ARHGAP35: variants seen among roughly 807,000 people sequenced by gnomAD.
ARHGAP35 encodes rho GTPase-activating protein 35.
A neutral mutation model predicts 111.1 loss-of-function variants in ARHGAP35; 15 were observed. The observed-to-expected ratio is 0.13, with a 90% CI of 0.09 to 0.21. The LOEUF is 0.21. Ranked by LOEUF, ARHGAP35 falls within the 10% of genes least tolerant of loss-of-function variation. ARHGAP35 has a pLI of 1.00. For synonymous variants in ARHGAP35, 643 were observed against 710.3 expected, an observed-to-expected ratio of 0.91 and a Z score of 1.51; for missense variants, 1,262 against 1,873.0, an observed-to-expected ratio of 0.67 and a Z score of 6.02.
rs1276431098 is a variant in ARHGAP35 at position 46,989,623 on chromosome 19, G to A, written c.3984G>A (p.Leu1328=). The A allele has an allele frequency of 3.1e-6, 5 of 1,614,006 alleles. No individual in the cohort carries two copies. Reference sequence around the variant, plus strand: ...CCATGAAGAGCTTTTTCTCAGAACTGCCTGACCCCCTGGTCCCGTATAACA... The same window carrying A: ...CCATGAAGAGCTTTTTCTCAGAACTACCTGACCCCCTGGTCCCGTATAACA... ...AGAMKSFFSE[L]PDPLVPYNMQ... is the part of the protein sequence containing the mutation. Residue 1328 remains leucine (L), a synonymous_variant, in exon 5 of 7, where the codon CTG becomes CTA. Transcript: ENST00000672722. The surrounding 1 kb of genome is among the most constrained non-coding windows in gnomAD (Gnocchi z 5.3).
At chr19:46,881,988 G>C (rs1046057009) in intron 1 of ARHGAP35, among the ~76,000 whole-genome samples, 1 of 152,182 alleles carries the variant, frequency 6.6e-6, no homozygotes, top group African/African-American at 2.4e-5. Flanking sequence ...GTCTCTGCCA[G>C]CTTCTAACTT....
At position 47,002,568 on chromosome 19, in the gene ARHGAP35, G is replaced by A. The variant is rs1399498480; in HGVS notation, c.*1880G>A. 2 of 152,202 alleles carry A rather than the reference G, an allele frequency of 1.3e-5. No individual in the cohort carries two copies. Among genetic ancestry groups the A allele is most frequent in the South Asian group, 2.1e-4 (1 of 4,836 alleles). The allele number at this position is 152,202 out of a possible 1,614,324, so 9.4% of individuals were successfully genotyped here. A position where few individuals can be genotyped will look rare whatever the true frequency, so the allele number is the denominator to read the frequency against. On this transcript the variant is annotated 3_prime_UTR_variant, in exon 7 of 7. Coordinates refer to ENST00000672722, the MANE Select transcript of ARHGAP35 (RefSeq NM_004491.5). Reference sequence around the variant, plus strand: ...GGCTGGAAGGTGACATCTGTGTTTCGTTTTAGCTGAGGTTGGCAGAAACGT... The same window carrying A: ...GGCTGGAAGGTGACATCTGTGTTTCATTTTAGCTGAGGTTGGCAGAAACGT...
In ARHGAP35 at chr19:46,988,239, C is replaced by G. The variant is rs142699071; in HGVS notation, c.3904+173C>G. On this transcript the variant is annotated intron_variant, in intron 4 of 6. Coordinates refer to ENST00000672722, the MANE Select transcript of ARHGAP35 (RefSeq NM_004491.5). The surrounding 1 kb of genome is among the most constrained non-coding windows in gnomAD (Gnocchi z 5.4). ...GTGGCTGCAGCGGGGAGGAGGGGAC[C>G]GGGTCCTGTCAGTGAACCGAAGCAC... 1.8e-3 allele frequency: 1,116 copies of G among 622,980 alleles called. 3 individuals are homozygous for G. Among genetic ancestry groups the G allele is most frequent in the Non-Finnish European group, 2.1e-3 (758 of 357,676 alleles). The allele number at this position is 622,980 out of a possible 1,614,324, so 38.6% of individuals were successfully genotyped here.
chr19:46,886,070 G>A (rs946022478), intron 1 of ARHGAP35, among the ~76,000 whole-genome samples: 2 of 152,174 alleles, frequency 1.3e-5, no homozygotes, highest in African/African-American at 4.8e-5. Context: ...GAAGAGCCTT[G>A]GAGATTGGGT....
chr19:46,966,685 T>G (rs1161744630), intron 3 of ARHGAP35, among the ~76,000 whole-genome samples: 3 of 152,190 alleles, frequency 2.0e-5, no homozygotes, highest in Non-Finnish European at 4.4e-5. Context: ...CTTTCTAGGG[T>G]TGATGGGATG....
chr19:46,875,320 C>A (rs1396221671), intron 1 of ARHGAP35, among the ~76,000 whole-genome samples: 2 of 152,076 alleles, frequency 1.3e-5, no homozygotes, highest in African/African-American at 4.8e-5. Context: ...TGTTTTGGAT[C>A]CTCTGTGAGA....
chr19:46,999,937 C>T lies in ARHGAP35; in HGVS notation c.4143-394C>T, dbSNP rs562633234. 2.0e-4 allele frequency: 49 copies of T among 243,176 alleles called. 1 individual carries two copies. In the East Asian group the frequency reaches 4.2e-3, roughly 21 times the overall value. 15.1% of individuals were successfully genotyped at this position (243,176 alleles called of 1,614,324 possible). A position where few individuals can be genotyped will look rare whatever the true frequency, so the allele number is the denominator to read the frequency against. On this transcript the variant is annotated intron_variant, in intron 6 of 6. Transcript: ENST00000672722. The surrounding 1 kb of genome is among the most constrained non-coding windows in gnomAD (Gnocchi z 5.4). ...GGCCGTATGGTTGTTCCCTGAAGTT[C>T]CATGTGTGTGGAGGAGATCTGCTGG...
chr19:46,965,631 C>A (rs2056510985), intron 3 of ARHGAP35, among the ~76,000 whole-genome samples: 1 of 152,072 alleles, frequency 6.6e-6, no homozygotes, highest in Non-Finnish European at 1.5e-5. Flanking sequence ...ACTTCAGGTG[C>A]ACACCACCAT....
At chr19:46,970,981 AACAG>A (rs1252420565) in intron 3 of ARHGAP35, among the ~76,000 whole-genome samples, 1 of 152,204 alleles carries the variant, frequency 6.6e-6, no homozygotes, top group Non-Finnish European at 1.5e-5. Context: ...TCCTCTCCAA[AACAG>A]ACAGTCATTG....
At chr19:46,976,852 T>C (rs1362596400) in intron 3 of ARHGAP35, among the ~76,000 whole-genome samples, 1 of 152,208 alleles carries the variant, frequency 6.6e-6, no homozygotes, top group Non-Finnish European at 1.5e-5. Context: ...TTGCTCTTGC[T>C]CTGTGTCTGT....
intron 1 of ARHGAP35, among the ~76,000 whole-genome samples, chr19:46,910,942 G>A (rs963207482): frequency 3.3e-5 from 5 of 152,016 alleles, no homozygotes; most frequent in African/African-American, 1.2e-4. Context: ...CTGGTCTCAA[G>A]CAGTCCTCCC....
chr19:46,885,345 C>G (rs1413179860), intron 1 of ARHGAP35, among the ~76,000 whole-genome samples: 3 of 152,126 alleles, frequency 2.0e-5, no homozygotes, highest in African/African-American at 7.2e-5. Flanking sequence ...TGTATTAACT[C>G]AAGGAATCCA....
At chr19:46,952,382 G>A (rs1225142439) in intron 3 of ARHGAP35, among the ~76,000 whole-genome samples, 1 of 152,128 alleles carries the variant, frequency 6.6e-6, no homozygotes, top group Non-Finnish European at 1.5e-5. Flanking sequence ...TGAAAAGTAA[G>A]CCCCATAACT....
intron 1 of ARHGAP35, among the ~76,000 whole-genome samples, chr19:46,869,799 A>G (rs755813207): frequency 1.3e-5 from 2 of 152,084 alleles, no homozygotes; most frequent in Non-Finnish European, 2.9e-5. Flanking sequence ...GAATTATTTC[A>G]CTGGGAATAG....
chr19:46,900,751 G>A (rs2056080077), intron 1 of ARHGAP35, among the ~76,000 whole-genome samples: 1 of 143,222 alleles, frequency 7.0e-6, no homozygotes, highest in Non-Finnish European at 1.5e-5. Flanking sequence ...ACAATTTAAT[G>A]AGAAATAGAA....
chr19:46,919,143 G>A lies in ARHGAP35; in HGVS notation c.468G>A (p.Leu156=). The A allele has an allele frequency of 6.2e-7, 1 of 1,613,994 alleles. No individual in the cohort carries two copies. ...EQKQMPDGKL[L]VDGFLLGIDV... ...AACAAATGCCAGACGGAAAGCTGCT[G>A]GTTGATGGTTTTCTTCTTGGTATTG... is the stretch of plus-strand genomic sequence containing the variant. Residue 156 remains leucine, a synonymous_variant, in exon 2 of 7, where the codon CTG becomes CTA. Transcript: ENST00000672722. The surrounding 1 kb of genome is among the most constrained non-coding windows in gnomAD (Gnocchi z 6.2).
chr19:46,861,248 G>A (rs1160798687), intron 1 of ARHGAP35, among the ~76,000 whole-genome samples, 39 bp downstream of exon 1: 1 of 151,286 alleles, frequency 6.6e-6, no homozygotes, highest in Non-Finnish European at 1.5e-5. Context: ...CGGCGAGGCC[G>A]GGCGCCGCCC....
chr19:46,879,587 A>AAAATAAAT lies in ARHGAP35; in HGVS notation c.-189+18402_-189+18409dup, dbSNP rs376342193. Among the ~76,000 whole-genome samples the AAAATAAAT allele has an allele frequency of 8.4e-3, 739 of 87,714 alleles. 16 individuals carry two copies. The highest frequency in any genetic ancestry group is 0.031 in the East Asian group (127 of 4,040). 57.5% of individuals were successfully genotyped at this position (87,714 alleles called of 152,430 possible). A position where few individuals can be genotyped will look rare whatever the true frequency, so the allele number is the denominator to read the frequency against. On this transcript the variant is annotated intron_variant, in intron 1 of 6. Transcript: ENST00000672722. ...GGACAACAGAGTGAGACTCCATCTC[A>AAAATAAAT]AAATAAATAAATAAATAAATAAATA...
At chr19:46,964,401 T>C (rs2056501520) in intron 3 of ARHGAP35, among the ~76,000 whole-genome samples, 1 of 151,520 alleles carries the variant, frequency 6.6e-6, no homozygotes. Context: ...ACCACAGGCA[T>C]GCACCACCAA....
Sources: gnomAD v4.1 joint callset for allele counts (sites outside exome capture counted in the v4.1 genomes callset) on GRCh38, gnomAD v4.1.1 for gene constraint, Gnocchi (gnomAD v3.1) non-coding constraint, MANE v1.5 for transcripts, NCBI Gene and HGNC (gene_info 2026-07-23, HGNC 2026-07-21) for gene names.